The following PTH2R variants were observed in gnomAD, a reference collection of about 807,000 sequenced individuals.
The protein encoded by PTH2R is parathyroid hormone 2 receptor, also known as PTH2 receptor.
Under a neutral mutation model 60.3 loss-of-function variants are expected in PTH2R, and 59 were observed. The ratio of observed to expected loss-of-function variants is 0.98; its 90% CI spans 0.79 to 1.22. The LOEUF is 1.22. PTH2R is among the 50% of genes most tolerant of loss of function. The pLI, the probability that PTH2R is intolerant of heterozygous loss-of-function variation, is 0.00. For missense variants in PTH2R, 749 were observed against 682.6 expected, an observed-to-expected ratio of 1.10 and a Z score of -1.08; for synonymous variants, 256 against 243.8, an observed-to-expected ratio of 1.05 and a Z score of -0.47.
intron 1 of PTH2R, chr2:208,360,740 C>A: frequency 6.5e-6 from 1 of 153,630 alleles, no homozygotes; most frequent in South Asian, 1.9e-4. Context: ...GCCAGGCACG[C>A]AGTGCTGTCG....
In PTH2R at chr2:208,443,390, T is replaced by A. The variant is rs752473579; in HGVS notation, c.552T>A (p.Phe184Leu). Residue 184 changes from phenylalanine (F) to leucine (L), a missense_variant, in exon 6 of 13, where the codon TTT (phenylalanine) becomes TTA (leucine). By Grantham distance (22) the Phe-to-Leu change is conservative. Transcript: ENST00000272847. ...GGAACTATATCCACATGCACTTATT[T>A]GTGTCTTTCATGCTGAGAGCTACAA... ...CTRNYIHMHL[F>L]VSFMLRATSI... 1.2e-6 allele frequency: 2 copies of A among 1,610,282 alleles called. No individual in the cohort carries two copies. The highest frequency in any genetic ancestry group is 4.5e-5 in the East Asian group (2 of 44,682).
At chr2:208,393,849 C>A (rs984703483) in intron 1 of PTH2R, among the ~76,000 whole-genome samples, 4 of 152,144 alleles carry the variant, frequency 2.6e-5, no homozygotes, top group African/African-American at 9.7e-5. Flanking sequence ...CAGGCATTTC[C>A]TGCAGAGGTA....
rs189960839 is a variant in PTH2R at position 208,434,580 on chromosome 2, G to C, written c.179-2957G>C. Among the ~76,000 whole-genome samples the C allele has an allele frequency of 4.0e-3, 607 of 152,170 alleles. 3 individuals carry two copies. Among genetic ancestry groups the C allele is most frequent in the Non-Finnish European group, 6.3e-3 (428 of 68,002 alleles). ...TAATTATAGAATAAACTGGCCATTG[G>C]CTTTTGCTAGAAAATAGCATATGAC... On this transcript the variant is annotated intron_variant, in intron 2 of 12. Coordinates refer to ENST00000272847, the MANE Select transcript of PTH2R (RefSeq NM_005048.4).
intron 1 of PTH2R, among the ~76,000 whole-genome samples, chr2:208,413,168 CACAG>C (rs1163140110): frequency 2.8e-5 from 4 of 141,110 alleles, no homozygotes; most frequent in African/African-American, 7.5e-5. Flanking sequence ...CACACACACA[CACAG>C]AATGTTTATA....
chr2:208,363,737 G>C (rs1197751587), intron 1 of PTH2R, among the ~76,000 whole-genome samples: 4 of 152,094 alleles, frequency 2.6e-5, no homozygotes, highest in Non-Finnish European at 5.9e-5. Context: ...GTATCTCTCT[G>C]TGGTTTTGAC....
intron 10 of PTH2R, among the ~76,000 whole-genome samples, chr2:208,487,488 A>G (rs774110121): frequency 6.6e-6 from 1 of 152,244 alleles, no homozygotes; most frequent in Non-Finnish European, 1.5e-5. Flanking sequence ...AGATTTGGCA[A>G]TTTCTTGGAT....
chr2:208,374,245 C>T (rs1193515513), intron 1 of PTH2R, among the ~76,000 whole-genome samples: 2 of 152,054 alleles, frequency 1.3e-5, no homozygotes, highest in African/African-American at 4.8e-5. Context: ...CATCACTCTC[C>T]TGTCTTTGGC....
intron 10 of PTH2R, among the ~76,000 whole-genome samples, chr2:208,488,065 C>G (rs995227404): frequency 1.3e-5 from 2 of 152,132 alleles, no homozygotes; most frequent in African/African-American, 2.4e-5. Context: ...TGGAAGCCCA[C>G]TTAGAATAAC....
At chr2:208,490,898 ACT>A (rs1035712209) in intron 12 of PTH2R, among the ~76,000 whole-genome samples, 5 of 152,156 alleles carry the variant, frequency 3.3e-5, no homozygotes, top group Non-Finnish European at 7.4e-5. Flanking sequence ...TCATCTGTAC[ACT>A]CTGACATTAA....
intron 11 of PTH2R, 136 bp downstream of exon 11, chr2:208,489,286 A>T: frequency 9.4e-7 from 1 of 1,063,840 alleles, no homozygotes; most frequent in Non-Finnish European, 1.3e-6. Flanking sequence ...CAGAAAGGTC[A>T]ATATTTCTAT....
chr2:208,363,643 A>C (rs973189283), intron 1 of PTH2R, among the ~76,000 whole-genome samples: 2 of 152,192 alleles, frequency 1.3e-5, no homozygotes, highest in Admixed American at 1.3e-4. Context: ...AGCAGTGTCC[A>C]AGTGTTTCCT....
At chr2:208,429,473 T>C (rs954328576) in intron 2 of PTH2R, among the ~76,000 whole-genome samples, 3 of 152,176 alleles carry the variant, frequency 2.0e-5, no homozygotes, top group African/African-American at 7.2e-5. Flanking sequence ...TAGCCCTCTT[T>C]ATCTCTAGGA....
intron 9 of PTH2R, among the ~76,000 whole-genome samples, chr2:208,478,958 C>T (rs529536312): frequency 1.3e-5 from 2 of 152,236 alleles, no homozygotes; most frequent in South Asian, 4.2e-4. Flanking sequence ...AACTTAGTTT[C>T]TGATTAACCC....
chr2:208,477,223 T>C (rs1308869611), intron 9 of PTH2R, among the ~76,000 whole-genome samples: 2 of 152,124 alleles, frequency 1.3e-5, no homozygotes, highest in Non-Finnish European at 2.9e-5. Context: ...AGCTAAAGTT[T>C]AGTGAGTGAG....
chr2:208,492,918 A>G (rs375461152), intron 12 of PTH2R, among the ~76,000 whole-genome samples: 3 of 152,238 alleles, frequency 2.0e-5, no homozygotes, highest in East Asian at 3.9e-4. Context: ...TGAAGTTCTC[A>G]CTGGCAATGT....
chr2:208,363,561 A>G (rs141051062), intron 1 of PTH2R, among the ~76,000 whole-genome samples: 50 of 152,266 alleles, frequency 3.3e-4, no homozygotes, highest in African/African-American at 1.2e-3. Flanking sequence ...GGAATGATTA[A>G]TTCACTTTTA....
intron 2 of PTH2R, 80 bp from the exon 3 acceptor site, chr2:208,437,457 T>C: frequency 8.8e-7 from 1 of 1,141,432 alleles, no homozygotes; most frequent in South Asian, 1.6e-5. Flanking sequence ...ACCTAAAATT[T>C]TGTTTTTTGA....
At chr2:208,370,611 A>G (rs959706384) in intron 1 of PTH2R, among the ~76,000 whole-genome samples, 2 of 151,932 alleles carry the variant, frequency 1.3e-5, no homozygotes, top group African/African-American at 4.8e-5. Context: ...GTTGTAATCT[A>G]TGTTCTTCTT....
chr2:208,466,396 A>C (rs1171244360), intron 9 of PTH2R: 1 of 152,374 alleles, frequency 6.6e-6, no homozygotes, highest in Non-Finnish European at 1.5e-5. Flanking sequence ...GGATGTGTTG[A>C]TCTGTTTTGA....
Sources: gnomAD v4.1 joint callset for allele counts (sites outside exome capture counted in the v4.1 genomes callset) on GRCh38, gnomAD v4.1.1 for gene constraint, MANE v1.5 for transcripts, NCBI Gene and HGNC (gene_info 2026-07-23, HGNC 2026-07-21) for gene names.